Variants in ZSWIM6 observed in about 807,000 individuals in gnomAD.
ZSWIM6 encodes zinc finger SWIM-type containing 6, also known as zinc finger SWIM domain-containing protein 6.
ZSWIM6 carries 9 observed loss-of-function variants against 113.2 expected under a neutral mutation model. That is an observed-to-expected ratio of 0.08 (90% CI 0.05 to 0.14). ZSWIM6 has a LOEUF of 0.14. Ranked by LOEUF, ZSWIM6 falls within the 10% of genes least tolerant of loss-of-function variation. The probability of loss-of-function intolerance (pLI) is 1.00; values close to 1 mark genes in which losing one functional copy is unlikely to be tolerated. For synonymous variants in ZSWIM6, 611 were observed against 606.5 expected, an observed-to-expected ratio of 1.01 and a Z score of -0.11; for missense variants, 1,162 against 1,552.2, an observed-to-expected ratio of 0.75 and a Z score of 4.22.
At chr5:61,365,919 A>G (rs1309276600) in intron 1 of ZSWIM6, among the ~76,000 whole-genome samples, 1 of 152,104 alleles carries the variant, frequency 6.6e-6, no homozygotes, top group Non-Finnish European at 1.5e-5. Context: ...ATCGTCTATC[A>G]GGTGTCTTTT....
chr5:61,456,145 T>G (rs1747201684), intron 1 of ZSWIM6, among the ~76,000 whole-genome samples: 1 of 152,102 alleles, frequency 6.6e-6, no homozygotes, highest in African/African-American at 2.4e-5. Flanking sequence ...GGGCTGTCAT[T>G]GTTACACCAG....
intron 1 of ZSWIM6, among the ~76,000 whole-genome samples, chr5:61,447,156 A>G (rs1050115597): frequency 6.6e-6 from 1 of 152,134 alleles, no homozygotes; most frequent in Non-Finnish European, 1.5e-5. Context: ...GGATACATGG[A>G]ACTCCATCCT....
intron 1 of ZSWIM6, among the ~76,000 whole-genome samples, chr5:61,351,911 G>A (rs1351267704): frequency 1.3e-5 from 2 of 152,198 alleles, no homozygotes; most frequent in Non-Finnish European, 2.9e-5. Flanking sequence ...TAATCAGCTT[G>A]CAAACTTTAG....
rs1468828305 is a variant in ZSWIM6, at chr5:61,340,367, T to TGA, written c.676+7420_676+7421dup. On this transcript the variant is annotated intron_variant, in intron 1 of 13. Transcript: ENST00000252744. ...TATGTCTACAAATATATATATGTGA[T>TGA]GATGTCCACAGGTGAACAGAAAAGG... Among the ~76,000 whole-genome samples the TGA allele has an allele frequency of 1.2e-4, 19 of 152,342 alleles. No homozygotes were observed. In the East Asian group the frequency reaches 3.7e-3, roughly 29 times the overall value.
chr5:61,491,731 T>TTA (rs1332350945), intron 3 of ZSWIM6, among the ~76,000 whole-genome samples: 1 of 152,114 alleles, frequency 6.6e-6, no homozygotes, highest in Non-Finnish European at 1.5e-5. Flanking sequence ...GATTAATGTA[T>TTA]TAACATTGGT....
At chr5:61,374,619 T>C (rs1372471135) in intron 1 of ZSWIM6, among the ~76,000 whole-genome samples, 2 of 152,232 alleles carry the variant, frequency 1.3e-5, no homozygotes, top group Middle Eastern at 3.2e-3. Flanking sequence ...AGTGGCCCGA[T>C]CTCGGCTTAC....
At position 61,494,322 on chromosome 5, in the gene ZSWIM6, G is replaced by A. The variant is rs1205924697; in HGVS notation, c.1245G>A (p.Glu415=). The change falls in exon 4 of 14, where the codon GAG becomes GAA. Residue 415 remains glutamate, a synonymous_variant. Coordinates refer to ENST00000252744, the MANE Select transcript of ZSWIM6 (RefSeq NM_020928.2). ...NGARMLTLIT[E]QFMADPRLSL... is the part of the protein sequence containing the mutation. The stretch of plus-strand genomic sequence containing the variant: ...CCCGCATGTTGACCTTGATAACAGA[G>A]CAATTCATGGCTGACCCTCGCCTGT... The A allele has an allele frequency of 1.3e-6, 2 of 1,551,156 alleles. No homozygotes were observed. Among genetic ancestry groups the A allele is most frequent in the African/African-American group, 1.4e-5 (1 of 73,106 alleles).
intron 1 of ZSWIM6, among the ~76,000 whole-genome samples, chr5:61,443,215 T>G (rs1746874679): frequency 6.6e-6 from 1 of 152,168 alleles, no homozygotes; most frequent in African/African-American, 2.4e-5. Flanking sequence ...ACAACAATTG[T>G]GGATGAGAAA....
At chr5:61,437,565 A>G (rs1391772869) in intron 1 of ZSWIM6, among the ~76,000 whole-genome samples, 2 of 152,034 alleles carry the variant, frequency 1.3e-5, no homozygotes, top group East Asian at 1.9e-4. Flanking sequence ...TCTATAAAAA[A>G]TACAAAAATT....
chr5:61,543,358 G>A lies in ZSWIM6; in HGVS notation c.2786-97G>A. The A allele has an allele frequency of 1.4e-6, 2 of 1,392,192 alleles. No individual in the cohort carries two copies. The highest frequency in any genetic ancestry group is 2.5e-5 in the Admixed American group (1 of 39,566). The allele number at this position is 1,392,192 out of a possible 1,614,324, so 86.2% of individuals were successfully genotyped here. A position where few individuals can be genotyped will look rare whatever the true frequency, so the allele number is the denominator to read the frequency against. ...TCTAGCCTAGCTCATGTCCTATGAT[G>A]GTTAACAATGTAAACACTGGTTGTA... On this transcript the variant is annotated intron_variant, in intron 13 of 13. Transcript: ENST00000252744. The surrounding 1 kb of genome is among the most constrained non-coding windows in gnomAD (Gnocchi z 4.3).
intron 1 of ZSWIM6, among the ~76,000 whole-genome samples, chr5:61,419,728 G>T (rs1746319518): frequency 6.6e-6 from 1 of 152,198 alleles, no homozygotes; most frequent in African/African-American, 2.4e-5. Context: ...CACAATGCAA[G>T]CCTCTCCTGA....
At chr5:61,430,935 C>A (rs1039778166) in intron 1 of ZSWIM6, among the ~76,000 whole-genome samples, 7 of 151,942 alleles carry the variant, frequency 4.6e-5, no homozygotes, top group African/African-American at 1.7e-4. Flanking sequence ...AAAATAAGAA[C>A]TTTAAGGAAA....
chr5:61,343,230 A>G (rs1744585836), intron 1 of ZSWIM6, among the ~76,000 whole-genome samples: 1 of 152,054 alleles, frequency 6.6e-6, no homozygotes, highest in Non-Finnish European at 1.5e-5. Flanking sequence ...GTACATTTAA[A>G]CTCTTACTAA....
At chr5:61,537,280 G>C (rs1430702209) in intron 10 of ZSWIM6, among the ~76,000 whole-genome samples, 1 of 152,192 alleles carries the variant, frequency 6.6e-6, no homozygotes, top group Admixed American at 6.5e-5. Context: ...GGGTACAGGG[G>C]AATTTTTTTT....
chr5:61,366,696 C>T (rs1444214038), intron 1 of ZSWIM6, among the ~76,000 whole-genome samples: 1 of 152,108 alleles, frequency 6.6e-6, no homozygotes, highest in Admixed American at 6.6e-5. Context: ...ACTTTGGAGG[C>T]TGAGGCGGCA....
At chr5:61,463,988 A>ATCTTT (rs1019389552) in intron 1 of ZSWIM6, among the ~76,000 whole-genome samples, 23 of 151,294 alleles carry the variant, frequency 1.5e-4, no homozygotes, top group African/African-American at 1.2e-4. Context: ...TCCTTCATCT[A>ATCTTT]TCTTTTCTTT....
rs567294410 is a variant in ZSWIM6, at chr5:61,371,899, C to T, written c.676+38951C>T. Among the ~76,000 whole-genome samples the T allele has an allele frequency of 7.2e-5, 11 of 152,326 alleles. No individual in the cohort carries two copies. In the East Asian group the frequency reaches 1.7e-3, roughly 24 times the overall value. On this transcript the variant is annotated intron_variant, in intron 1 of 13. Transcript: ENST00000252744. Reference sequence around the variant, plus strand: ...TTGATAAAGTATATTTTAGAATTTACAGATTGGACATTAAGCACATGAACT... The same window carrying T: ...TTGATAAAGTATATTTTAGAATTTATAGATTGGACATTAAGCACATGAACT...
At chr5:61,461,154 C>T (rs2112168449) in intron 1 of ZSWIM6, among the ~76,000 whole-genome samples, 1 of 152,234 alleles carries the variant, frequency 6.6e-6, no homozygotes, top group Non-Finnish European at 1.5e-5. Flanking sequence ...CATATTTATC[C>T]TTTCTCTCTC....
At chr5:61,511,871 G>A (rs1012241700) in intron 4 of ZSWIM6, among the ~76,000 whole-genome samples, 2 of 152,098 alleles carry the variant, frequency 1.3e-5, no homozygotes, top group African/African-American at 2.4e-5. Flanking sequence ...TGATTGTAAA[G>A]CCCTAAATAT....
Sources: gnomAD v4.1 joint callset for allele counts (sites outside exome capture counted in the v4.1 genomes callset) on GRCh38, gnomAD v4.1.1 for gene constraint, Gnocchi (gnomAD v3.1) non-coding constraint, MANE v1.5 for transcripts, NCBI Gene and HGNC (gene_info 2026-07-23, HGNC 2026-07-21) for gene names.